The following OSBPL6 variants were observed in gnomAD, a reference collection of about 807,000 sequenced individuals.
OSBPL6 encodes the protein oxysterol-binding protein-related protein 6.
In OSBPL6, 49 loss-of-function variants were observed where a neutral mutation model predicts 125.8. That is an observed-to-expected ratio of 0.39 (90% CI 0.31 to 0.49). The LOEUF (loss-of-function observed/expected upper bound fraction) is 0.49. Ranked by LOEUF, OSBPL6 falls within the 20% of genes least tolerant of loss-of-function variation. The pLI is 0.88. For synonymous variants in OSBPL6, 394 were observed against 391.8 expected (o/e 1.01, Z -0.07); for missense variants, 986 against 1,135.4 (o/e 0.87, Z 1.89).
chr2:178,263,073 T>A (rs975378730), intron 1 of OSBPL6, among the ~76,000 whole-genome samples: 11 of 150,138 alleles, frequency 7.3e-5, no homozygotes, highest in African/African-American at 1.5e-4. Context: ...AAATTAGATT[T>A]AAAAAAAAAA....
chr2:178,279,985 G>C (rs1253286067), intron 1 of OSBPL6, among the ~76,000 whole-genome samples: 1 of 152,110 alleles, frequency 6.6e-6, no homozygotes, highest in Non-Finnish European at 1.5e-5. Flanking sequence ...GGATCACGAA[G>C]TCAAGAGATC....
At chr2:178,339,578 G>T in intron 10 of OSBPL6, 94 bp from the exon 11 acceptor site, 1 of 954,650 alleles carries the variant, frequency 1.0e-6, no homozygotes, top group South Asian at 2.6e-5. Context: ...CTCTAACAAT[G>T]ACCTTTAGTA....
Position 178,222,382 on chromosome 2 carries a change from C to T in OSBPL6, c.-351+27708C>T, listed in dbSNP as rs369165919. 4.6e-5 allele frequency among the ~76,000 whole-genome samples: 7 copies of T among 152,326 alleles called. No homozygotes were observed. The East Asian group carries it at 1.2e-3, about 25-fold the overall frequency. ...AGAATCGGCTGGGCGCGGTGGCTCA[C>T]ACCTGTAATCCCAGCACTTTGGGAG... is the stretch of plus-strand genomic sequence containing the variant. On this transcript the variant is annotated intron_variant, in intron 1 of 24. Transcript: ENST00000190611.
chr2:178,259,288 G>A (rs1055111560), intron 1 of OSBPL6, among the ~76,000 whole-genome samples: 32 of 152,240 alleles, frequency 2.1e-4, no homozygotes, highest in African/African-American at 7.5e-4. Flanking sequence ...GTCTTTGGAG[G>A]TCTTTTGATC....
intron 1 of OSBPL6, among the ~76,000 whole-genome samples, chr2:178,228,635 AGTTT>A (rs1219936468): frequency 6.6e-6 from 1 of 152,254 alleles, no homozygotes; most frequent in East Asian, 1.9e-4. Flanking sequence ...TAGTTTTAAC[AGTTT>A]ATTTACCCCA....
Position 178,394,453 on chromosome 2 carries a change from C to A in OSBPL6, c.2696+18C>A. 2 of 1,589,840 alleles carry A rather than the reference C, an allele frequency of 1.3e-6. No homozygotes were observed. Among genetic ancestry groups the A allele is most frequent in the Admixed American group, 1.9e-5 (1 of 53,490 alleles). On this transcript the variant is annotated intron_variant, in intron 24 of 24. Coordinates refer to ENST00000190611, the MANE Select transcript of OSBPL6 (RefSeq NM_032523.4). ...TTTTTTAAGTAAGTCAGTTAACTCC[C>A]ATAGCAAGTTCATGTTTTGCAAATG...
At chr2:178,225,265 GA>G (rs2090509133) in intron 1 of OSBPL6, among the ~76,000 whole-genome samples, 1 of 151,002 alleles carries the variant, frequency 6.6e-6, no homozygotes, top group Non-Finnish European at 1.5e-5. Context: ...GGAAAGAAAA[GA>G]AAAGAAAAGA....
At chr2:178,295,144 T>C (rs1319455484) in intron 2 of OSBPL6, among the ~76,000 whole-genome samples, 1 of 152,150 alleles carries the variant, frequency 6.6e-6, no homozygotes, top group African/African-American at 2.4e-5. Context: ...TTTCACGTGT[T>C]AGGGGAGATA....
rs781045348 is a variant in OSBPL6 at position 178,240,166 on chromosome 2, A to G, written c.-350-44761A>G. 3.9e-5 allele frequency among the ~76,000 whole-genome samples: 6 copies of G among 152,292 alleles called. 1 individual carries two copies. The highest frequency in any genetic ancestry group is 2.0e-4 in the Admixed American group (3 of 15,298). ...TGGGGAGTTAATTTTTAACGGGTACATAGTTTTAGTTTGGGAAGATGAAAA... is the reference window on the plus strand; with the variant it reads ...TGGGGAGTTAATTTTTAACGGGTACGTAGTTTTAGTTTGGGAAGATGAAAA... On this transcript the variant is annotated intron_variant, in intron 1 of 24. Coordinates refer to ENST00000190611, the MANE Select transcript of OSBPL6 (RefSeq NM_032523.4).
upstream of OSBPL6, among the ~76,000 whole-genome samples, chr2:178,193,866 C>T (rs761828108): frequency 6.6e-6 from 1 of 152,158 alleles, no homozygotes; most frequent in Non-Finnish European, 1.5e-5. Flanking sequence ...TTCGCAGAAC[C>T]CAGGTGTTTC....
chr2:178,291,833 C>CCATCCATA (rs1463250481), intron 2 of OSBPL6, among the ~76,000 whole-genome samples: 1 of 150,592 alleles, frequency 6.6e-6, no homozygotes, highest in Non-Finnish European at 1.5e-5. Context: ...ATCCATTCAT[C>CCATCCATA]CTTGATGTCT....
chr2:178,259,762 G>T (rs796769189), intron 1 of OSBPL6, among the ~76,000 whole-genome samples: 13 of 152,260 alleles, frequency 8.5e-5, no homozygotes, highest in African/African-American at 3.1e-4. Context: ...TTTGACAGGC[G>T]GCAGTTTCTA....
intron 15 of OSBPL6, among the ~76,000 whole-genome samples, chr2:178,375,118 G>A (rs1370574578): frequency 6.6e-6 from 1 of 152,144 alleles, no homozygotes; most frequent in African/African-American, 2.4e-5. Flanking sequence ...TTGCTAATTA[G>A]TGCCTCTTTT....
rs199839012 is a variant in OSBPL6, at chr2:178,272,629, TCTC to T, written c.-350-12294_-350-12292del. On this transcript the variant is annotated intron_variant, in intron 1 of 24. Coordinates refer to ENST00000190611, the MANE Select transcript of OSBPL6 (RefSeq NM_032523.4). Reference sequence around the variant, plus strand: ...AATGCCCTGGGAGTAGCATTACAATTCTCCTCTCTCAGTTTGCTTCACAAGGAA... The same window carrying T: ...AATGCCCTGGGAGTAGCATTACAATTCTCTCTCAGTTTGCTTCACAAGGAA... Among the ~76,000 whole-genome samples, 831 of 152,242 alleles carry T rather than the reference TCTC, an allele frequency of 5.5e-3. 10 individuals carry two copies. Among genetic ancestry groups the T allele is most frequent in the African/African-American group, 0.019 (790 of 41,576 alleles).
chr2:178,248,588 A>C (rs1455556079), intron 1 of OSBPL6, among the ~76,000 whole-genome samples: 1 of 152,202 alleles, frequency 6.6e-6, no homozygotes, highest in Non-Finnish European at 1.5e-5. Flanking sequence ...GGACTAGGGA[A>C]TATTGTTCTT....
At chr2:178,333,677 G>A (rs1202537518) in intron 8 of OSBPL6, among the ~76,000 whole-genome samples, 1 of 152,104 alleles carries the variant, frequency 6.6e-6, no homozygotes, top group Non-Finnish European at 1.5e-5. Flanking sequence ...TCAGAAATCA[G>A]GTGCCTTCCT....
intron 1 of OSBPL6, among the ~76,000 whole-genome samples, chr2:178,203,283 A>G (rs1266465704): frequency 6.6e-6 from 1 of 152,194 alleles, no homozygotes; most frequent in Non-Finnish European, 1.5e-5. Flanking sequence ...GGCTCAAGCT[A>G]TCCTTCCACC....
At chr2:178,344,321 T>G (rs1318985113) in intron 11 of OSBPL6, 1 of 1,614,058 alleles carries the variant, frequency 6.2e-7, no homozygotes, top group Non-Finnish European at 8.5e-7. Context: ...TCAGCACAAC[T>G]CGGCGCCGGC....
intron 8 of OSBPL6, among the ~76,000 whole-genome samples, chr2:178,334,504 C>A (rs531559883): frequency 2.0e-5 from 3 of 152,070 alleles, no homozygotes; most frequent in Non-Finnish European, 4.4e-5. Flanking sequence ...TCAAACCTTA[C>A]GTTATTTATT....
Sources: allele counts gnomAD v4.1 joint callset (sites outside exome capture counted in the v4.1 genomes callset), GRCh38; gene constraint gnomAD v4.1.1; transcripts MANE v1.5; gene names NCBI Gene and HGNC (gene_info 2026-07-23, HGNC 2026-07-21).